Variants in DOCK2 observed in about 807,000 individuals in gnomAD.
DOCK2 encodes dedicator of cytokinesis protein 2.
Under a neutral mutation model 248.9 loss-of-function variants are expected in DOCK2, and 87 were observed. The observed-to-expected ratio is 0.35, with a 90% CI of 0.29 to 0.42. DOCK2 has a LOEUF of 0.42. Among genes scored for constraint, DOCK2 ranks in the 10% least tolerant of loss-of-function variants. DOCK2 has a pLI of 1.00. For missense variants in DOCK2, 1,747 were observed against 2,300.2 expected (o/e 0.76, Z 4.92); for synonymous variants, 805 against 821.6 (o/e 0.98, Z 0.35).
chr5:169,783,065 C>A (rs1392520918), intron 25 of DOCK2, among the ~76,000 whole-genome samples: 1 of 152,102 alleles, frequency 6.6e-6, no homozygotes, highest in Non-Finnish European at 1.5e-5. Flanking sequence ...TATTATAATG[C>A]AGAATGAATA....
intron 41 of DOCK2, among the ~76,000 whole-genome samples, chr5:170,050,945 C>T (rs1452733467): frequency 6.6e-6 from 1 of 152,186 alleles, no homozygotes; most frequent in East Asian, 1.9e-4. Flanking sequence ...GTCCTACGTT[C>T]AGGGAGCTTA....
chr5:170,053,192 C>A (rs1156607078), intron 41 of DOCK2, among the ~76,000 whole-genome samples: 1 of 152,208 alleles, frequency 6.6e-6, no homozygotes, highest in East Asian at 1.9e-4. Context: ...ACGGGCTTCC[C>A]TAGGACAGAT....
At chr5:169,873,302 AC>A (rs1772103598) in intron 27 of DOCK2, among the ~76,000 whole-genome samples, 1 of 152,208 alleles carries the variant, frequency 6.6e-6, no homozygotes, top group Non-Finnish European at 1.5e-5. Flanking sequence ...GAGAAATTTT[AC>A]CTTTTACATT....
intron 30 of DOCK2, among the ~76,000 whole-genome samples, chr5:170,001,122 C>T (rs778906536): frequency 2.6e-5 from 4 of 152,174 alleles, no homozygotes; most frequent in Non-Finnish European, 4.4e-5. Flanking sequence ...TGATATTTCT[C>T]ACCTGAGTCC....
At chr5:169,637,988 C>G (rs945210583) in intron 1 of DOCK2, among the ~76,000 whole-genome samples, 1 of 152,256 alleles carries the variant, frequency 6.6e-6, no homozygotes, top group African/African-American at 2.4e-5. Context: ...TCGTCAGCCT[C>G]AGCCATCTAA....
At chr5:169,641,632 G>A (rs780350183) in intron 1 of DOCK2, among the ~76,000 whole-genome samples, 1 of 152,158 alleles carries the variant, frequency 6.6e-6, no homozygotes, top group African/African-American at 2.4e-5. Context: ...GCCAGGCCTC[G>A]GAAAGGGCTT....
rs1034721561 is a variant in DOCK2 at position 169,766,346 on chromosome 5, A to G, written c.2554+4721A>G. 6.6e-5 allele frequency among the ~76,000 whole-genome samples: 10 copies of G among 152,218 alleles called. No homozygotes were observed. In the South Asian group the frequency reaches 2.1e-3, roughly 32 times the overall value. ...CATTTGGTTTTCTGCTCCTGTGTTA[A>G]TTTGCTTAGAATAATGGCCTCTGGC... On this transcript the variant is annotated intron_variant, in intron 25 of 51. Transcript: ENST00000520908.
At chr5:170,032,138 T>C (rs905798581) in intron 34 of DOCK2, among the ~76,000 whole-genome samples, 1 of 151,918 alleles carries the variant, frequency 6.6e-6, no homozygotes, top group Non-Finnish European at 1.5e-5. Context: ...ACCATTCTCC[T>C]GCCTCAGCCT....
At chr5:169,993,939 T>G (rs559549965) in intron 29 of DOCK2, among the ~76,000 whole-genome samples, 57 of 152,358 alleles carry the variant, frequency 3.7e-4, no homozygotes, top group Non-Finnish European at 6.5e-4. Context: ...AAATGTGTTC[T>G]GTAAAGTCCA....
At chr5:169,761,482 G>C in intron 24 of DOCK2, 37 bp from the exon 25 acceptor site, 1 of 1,551,320 alleles carries the variant, frequency 6.4e-7, no homozygotes, top group Non-Finnish European at 8.9e-7. Context: ...ACATGGGTCT[G>C]CCTTGCTCTA....
intron 22 of DOCK2, among the ~76,000 whole-genome samples, chr5:169,720,875 C>T (rs1486628963): frequency 6.6e-6 from 1 of 152,120 alleles, no homozygotes; most frequent in Non-Finnish European, 1.5e-5. Flanking sequence ...GGATTACAGG[C>T]ACGCATCACC....
intron 27 of DOCK2, among the ~76,000 whole-genome samples, chr5:169,965,485 G>A (rs1426014551): frequency 6.6e-6 from 1 of 152,188 alleles, no homozygotes; most frequent in African/African-American, 2.4e-5. Context: ...GGCTAGTGTT[G>A]GAGTCAGGTC....
intron 27 of DOCK2, among the ~76,000 whole-genome samples, chr5:169,928,717 G>A (rs1202853788): frequency 6.6e-6 from 1 of 152,218 alleles, no homozygotes; most frequent in Non-Finnish European, 1.5e-5. Flanking sequence ...TTCTCAACAA[G>A]TTATGACACC....
At chr5:169,677,767 G>A (rs1037679608) in intron 6 of DOCK2, among the ~76,000 whole-genome samples, 3 of 152,188 alleles carry the variant, frequency 2.0e-5, no homozygotes, top group Non-Finnish European at 2.9e-5. Flanking sequence ...GGGGACACAG[G>A]GCATTGTAAG....
intron 27 of DOCK2, among the ~76,000 whole-genome samples, chr5:169,892,530 C>A (rs1226820194): frequency 6.6e-6 from 1 of 152,216 alleles, no homozygotes; most frequent in Admixed American, 6.5e-5. Flanking sequence ...CATTTGGAAA[C>A]AGACCTAGTG....
At chr5:169,908,819 A>G (rs1334957970) in intron 27 of DOCK2, among the ~76,000 whole-genome samples, 1 of 149,536 alleles carries the variant, frequency 6.7e-6, no homozygotes, top group Non-Finnish European at 1.5e-5. Flanking sequence ...GGTTCAAGCA[A>G]TTCTCCTGCC....
chr5:170,047,814 A>G (rs75542268), intron 40 of DOCK2, among the ~76,000 whole-genome samples, 200 bp downstream of exon 40: 3 of 152,240 alleles, frequency 2.0e-5, no homozygotes, highest in East Asian at 3.9e-4. Flanking sequence ...GTGTTTCTCT[A>G]ACTACACAGC....
rs774322284 is a variant in DOCK2, at chr5:169,712,184, T to A, written c.1620T>A (p.Thr540=). 1 of 1,614,130 alleles carries A rather than the reference T, an allele frequency of 6.2e-7. No homozygotes were observed. The highest frequency in any genetic ancestry group is 8.5e-7 in the Non-Finnish European group (1 of 1,179,952). ...TGAAGCTGATGAAAGAAGATGGGAC[T>A]ACTCTACACGATGGATTCCATGACT... ...SYVKLMKEDG[T]TLHDGFHDLV... is the part of the protein sequence containing the mutation. The change falls in exon 17 of 52, where the codon ACT becomes ACA. Residue 540 remains threonine (T), a synonymous_variant. Coordinates refer to ENST00000520908, the MANE Select transcript of DOCK2 (RefSeq NM_004946.3).
chr5:169,752,602 T>C (rs1191104701), intron 23 of DOCK2, among the ~76,000 whole-genome samples: 1 of 151,074 alleles, frequency 6.6e-6, no homozygotes. Context: ...AAAAATTAGC[T>C]AGGCATGGGG....
Sources: allele counts gnomAD v4.1 joint callset (sites outside exome capture counted in the v4.1 genomes callset), GRCh38; gene constraint gnomAD v4.1.1; transcripts MANE v1.5; gene names NCBI Gene and HGNC (gene_info 2026-07-23, HGNC 2026-07-21).